PMEPA1: variants seen among roughly 807,000 people sequenced by gnomAD.
The protein encoded by PMEPA1 is prostate transmembrane protein, androgen induced 1, also known as protein TMEPAI.
In PMEPA1, 11 loss-of-function variants were observed where a neutral mutation model predicts 23.0. The ratio of observed to expected loss-of-function variants is 0.48; its 90% CI spans 0.30 to 0.79. The LOEUF (loss-of-function observed/expected upper bound fraction) is 0.79, where lower values mean the gene tolerates loss of function less well. Ranked by LOEUF, PMEPA1 falls within the 30% of genes least tolerant of loss-of-function variation. PMEPA1 has a pLI of 0.06. For missense variants in PMEPA1, 377 were observed against 390.9 expected (o/e 0.96, Z 0.30); for synonymous variants, 204 against 166.4 (o/e 1.23, Z -1.74).
intron 1 of PMEPA1, among the ~76,000 whole-genome samples, chr20:57,703,936 C>T (rs910485792): frequency 6.6e-6 from 1 of 152,154 alleles, no homozygotes; most frequent in Non-Finnish European, 1.5e-5. Context: ...ACTTTACAGA[C>T]CCATCAGATG....
At position 57,709,526 on chromosome 20, in the gene PMEPA1, A is replaced by G; in HGVS notation, c.57T>C (p.Asn19=). 3.5e-6 allele frequency: 4 copies of G among 1,127,590 alleles called. No individual in the cohort carries two copies. The highest frequency in any genetic ancestry group is 4.4e-6 in the Non-Finnish European group (4 of 900,126). 69.8% of individuals were successfully genotyped at this position (1,127,590 alleles called of 1,614,324 possible). Residue 19 remains asparagine (N), a synonymous_variant, in exon 1 of 4, where the codon AAT becomes AAC. Transcript: ENST00000341744. ...GTTTGCAGTTGCACGTGCAGGAGAC[A>G]TTGGGCTGCCCGGCGGCGGCGGCGG... ...STAAAAAGQP[N]VSCTCNCKRS...
rs544072313 is a variant in PMEPA1 at position 57,656,187 on chromosome 20, C to G, written c.265-3101G>C. ...AAAAATTCGGTACCTCCCATGTCCTCAGGAGATACTGAATTCCCCCACAGC... is the reference window on the plus strand; with the variant it reads ...AAAAATTCGGTACCTCCCATGTCCTGAGGAGATACTGAATTCCCCCACAGC... On this transcript the variant is annotated intron_variant, in intron 2 of 3. Coordinates refer to ENST00000341744, the MANE Select transcript of PMEPA1 (RefSeq NM_020182.5). The surrounding 1 kb of genome is among the most constrained non-coding windows in gnomAD (Gnocchi z 4.7). 6.6e-6 allele frequency among the ~76,000 whole-genome samples: 1 copy of G among 150,590 alleles called. No individual in the cohort carries two copies. The highest frequency in any genetic ancestry group is 2.1e-4 in the East Asian group (1 of 4,822).
intron 1 of PMEPA1, among the ~76,000 whole-genome samples, chr20:57,700,360 A>G (rs2071995230): frequency 6.6e-6 from 1 of 152,252 alleles, no homozygotes; most frequent in Non-Finnish European, 1.5e-5. Flanking sequence ...AACTTTTATC[A>G]ACACAAATAA....
chr20:57,694,473 C>A (rs1413233267), intron 1 of PMEPA1, among the ~76,000 whole-genome samples: 1 of 152,176 alleles, frequency 6.6e-6, no homozygotes, highest in Non-Finnish European at 1.5e-5. Context: ...TTTTAAATGA[C>A]CATCCACGTG....
At chr20:57,667,483 G>A (rs772042037) in intron 1 of PMEPA1, among the ~76,000 whole-genome samples, 22 of 152,100 alleles carry the variant, frequency 1.4e-4, no homozygotes, top group Non-Finnish European at 3.1e-4. Flanking sequence ...TCTTCAGCTG[G>A]GGAGCTGGGA....
At chr20:57,674,742 G>A (rs1399483501) in intron 1 of PMEPA1, among the ~76,000 whole-genome samples, 1 of 152,208 alleles carries the variant, frequency 6.6e-6, no homozygotes, top group African/African-American at 2.4e-5. Context: ...CACTGCGGCA[G>A]CGCATATATT....
chr20:57,659,788 A>AG, intron 1 of PMEPA1, 91 bp from the exon 2 acceptor site: 2 of 1,253,410 alleles, frequency 1.6e-6, no homozygotes, highest in South Asian at 2.9e-5. Flanking sequence ...TCACCCACCT[A>AG]GGGGGACGAG....
chr20:57,706,059 GAGA>G (rs931044363), intron 1 of PMEPA1, among the ~76,000 whole-genome samples: 1 of 152,228 alleles, frequency 6.6e-6, no homozygotes, highest in Non-Finnish European at 1.5e-5. Flanking sequence ...GAAAAGGTTG[GAGA>G]AGAAGAATCA....
Position 57,709,681 on chromosome 20 carries a change from G to GCGCGGCGGGGGAGGCGCGCCCCGGCT in PMEPA1, c.-125_-100dup. Reference sequence around the variant, plus strand: ...AGCTGGGGCCCCGCATGCAGGAGGCGCGCGGCGGGGGAGGCGCGCCCCGGC... The same window carrying GCGCGGCGGGGGAGGCGCGCCCCGGCT: ...AGCTGGGGCCCCGCATGCAGGAGGCGCGCGGCGGGGGAGGCGCGCCCCGGCTCGCGGCGGGGGAGGCGCGCCCCGGC... On this transcript the variant is annotated 5_prime_UTR_variant, in exon 1 of 4. Coordinates refer to ENST00000341744, the MANE Select transcript of PMEPA1 (RefSeq NM_020182.5). 1.0e-6 allele frequency: 1 copy of GCGCGGCGGGGGAGGCGCGCCCCGGCT among 977,026 alleles called. No individual in the cohort carries two copies. Among genetic ancestry groups the GCGCGGCGGGGGAGGCGCGCCCCGGCT allele is most frequent in the African/African-American group, 1.8e-5 (1 of 56,136 alleles). The allele number at this position is 977,026 out of a possible 1,614,324, so 60.5% of individuals were successfully genotyped here.
intron 1 of PMEPA1, among the ~76,000 whole-genome samples, chr20:57,688,032 G>A (rs1479127846): frequency 1.3e-5 from 2 of 152,182 alleles, no homozygotes; most frequent in Non-Finnish European, 2.9e-5. Flanking sequence ...CATAAGGTCA[G>A]GCCGGGTGGT....
intron 1 of PMEPA1, among the ~76,000 whole-genome samples, chr20:57,668,420 T>C (rs1290268781): frequency 2.0e-5 from 3 of 152,200 alleles, no homozygotes; most frequent in African/African-American, 4.8e-5. Flanking sequence ...CACAAGGTTG[T>C]AGCAAGAACT....
chr20:57,651,342 G>A lies in PMEPA1; in HGVS notation c.*711C>T, dbSNP rs1256317774. 1.3e-5 allele frequency: 2 copies of A among 152,680 alleles called. No individual in the cohort carries two copies. Among genetic ancestry groups the A allele is most frequent in the Non-Finnish European group, 2.9e-5 (2 of 68,034 alleles). The allele number at this position is 152,680 out of a possible 1,614,324, so 9.5% of individuals were successfully genotyped here. A position where few individuals can be genotyped will look rare whatever the true frequency, so the allele number is the denominator to read the frequency against. ...GGGGGCTCACCCTCTGCCGTCAGGCGACTCTGAAATTCCGACATTTCTCCC... is the reference window on the plus strand; with the variant it reads ...GGGGGCTCACCCTCTGCCGTCAGGCAACTCTGAAATTCCGACATTTCTCCC... On this transcript the variant is annotated 3_prime_UTR_variant, in exon 4 of 4. Coordinates refer to ENST00000341744, the MANE Select transcript of PMEPA1 (RefSeq NM_020182.5).
Position 57,655,404 on chromosome 20 carries a change from G to A in PMEPA1, c.265-2318C>T, listed in dbSNP as rs1244819553. On this transcript the variant is annotated intron_variant, in intron 2 of 3. Coordinates refer to ENST00000341744, the MANE Select transcript of PMEPA1 (RefSeq NM_020182.5). This position sits in a 1 kb window ranked among gnomAD's most constrained non-coding sequence, Gnocchi z 4.2. ...GGTGGCCTATTCAGGGGTCTCACTC[G>A]CCCTGCAGGAGCTGCTACCGTTTCC... 1.3e-5 allele frequency among the ~76,000 whole-genome samples: 2 copies of A among 152,208 alleles called. No individual in the cohort carries two copies. The highest frequency in any genetic ancestry group is 2.4e-5 in the African/African-American group (1 of 41,440).
At position 57,704,263 on chromosome 20, in the gene PMEPA1, C is replaced by T. The variant is rs934308810; in HGVS notation, c.109+5211G>A. On this transcript the variant is annotated intron_variant, in intron 1 of 3. Transcript: ENST00000341744. The surrounding 1 kb of genome is among the most constrained non-coding windows in gnomAD (Gnocchi z 4.6). ...AGTGCCTTTAAACTGGACTCTTGCC[C>T]CTGGTTCCCTGGAGCCCACCCCAAA... Among the ~76,000 whole-genome samples the T allele has an allele frequency of 6.6e-6, 1 of 152,124 alleles. No homozygotes were observed. Among genetic ancestry groups the T allele is most frequent in the Non-Finnish European group, 1.5e-5 (1 of 68,006 alleles).
At chr20:57,681,700 G>C (rs2071717215) in intron 1 of PMEPA1, among the ~76,000 whole-genome samples, 1 of 152,154 alleles carries the variant, frequency 6.6e-6, no homozygotes, top group South Asian at 2.1e-4. Flanking sequence ...GGTTTTCCCA[G>C]AATCAGAACT....
At chr20:57,664,144 T>A (rs900214563) in intron 1 of PMEPA1, among the ~76,000 whole-genome samples, 1 of 152,138 alleles carries the variant, frequency 6.6e-6, no homozygotes, top group African/African-American at 2.4e-5. Context: ...GCACCGACCG[T>A]CCCTGGCCCC....
chr20:57,663,798 C>T (rs1568967014), intron 1 of PMEPA1, among the ~76,000 whole-genome samples: 1 of 152,164 alleles, frequency 6.6e-6, no homozygotes, highest in Admixed American at 6.5e-5. Context: ...AGAGGTGCTC[C>T]AGCCAGCAGC....
intron 1 of PMEPA1, among the ~76,000 whole-genome samples, chr20:57,674,272 C>T (rs1042921602): frequency 6.6e-6 from 1 of 152,204 alleles, no homozygotes; most frequent in Admixed American, 6.5e-5. Context: ...CTCCCCCCTC[C>T]TTCCATGTGC....
chr20:57,695,024 G>A (rs1425300901), intron 1 of PMEPA1, among the ~76,000 whole-genome samples: 2 of 152,204 alleles, frequency 1.3e-5, no homozygotes, highest in African/African-American at 2.4e-5. Context: ...CTCCAATGAG[G>A]CCCTTCAAAC....
Sources: allele counts gnomAD v4.1 joint callset (sites outside exome capture counted in the v4.1 genomes callset), GRCh38; gene constraint gnomAD v4.1.1; non-coding constraint Gnocchi (gnomAD v3.1); transcripts MANE v1.5; gene names NCBI Gene and HGNC (gene_info 2026-07-23, HGNC 2026-07-21).